Variants in ARMH3 observed in about 807,000 individuals in gnomAD.
ARMH3 encodes the protein armadillo-like helical domain-containing protein 3.
In ARMH3, 60 loss-of-function variants were observed where a neutral mutation model predicts 99.1. That is an observed-to-expected ratio of 0.61 (90% confidence interval 0.49 to 0.75). The LOEUF (loss-of-function observed/expected upper bound fraction) is 0.75, where lower values mean the gene tolerates loss of function less well. Ranked by LOEUF, ARMH3 falls within the 30% of genes least tolerant of loss-of-function variation. The probability of loss-of-function intolerance (pLI) is 0.00; values close to 1 mark genes in which losing one functional copy is unlikely to be tolerated. For missense variants in ARMH3, 679 were observed against 843.1 expected (o/e 0.81, Z 2.41); for synonymous variants, 285 against 292.8 (o/e 0.97, Z 0.27).
chr10:101,982,556 C>A (rs1227300898), intron 19 of ARMH3, among the ~76,000 whole-genome samples: 1 of 152,098 alleles, frequency 6.6e-6, no homozygotes, highest in Non-Finnish European at 1.5e-5. Context: ...GGTTAGAAAC[C>A]AGGCTGCACA....
intron 19 of ARMH3, 133 bp downstream of exon 19, chr10:101,990,418 G>A (rs950907892): frequency 3.2e-5 from 19 of 590,364 alleles, no homozygotes; most frequent in South Asian, 1.2e-4. Context: ...TGATCCGCCC[G>A]CCTCGGCCTC....
At chr10:102,051,248 G>A (rs549540618) in intron 1 of ARMH3, among the ~76,000 whole-genome samples, 162 of 151,754 alleles carry the variant, frequency 1.1e-3, no homozygotes, top group African/African-American at 3.3e-3. Flanking sequence ...CAAGGCCGGC[G>A]GATCATCTGA....
At chr10:101,944,328 A>AGAGAGAGAGG (rs1554871575) in intron 22 of ARMH3, among the ~76,000 whole-genome samples, 1 of 108,002 alleles carries the variant, frequency 9.3e-6, no homozygotes, top group Non-Finnish European at 1.9e-5. Context: ...AGAGAGAGAG[A>AGAGAGAGAGG]GTCCAAACTG....
chr10:101,972,918 T>A (rs1845833246), intron 20 of ARMH3, among the ~76,000 whole-genome samples: 1 of 152,100 alleles, frequency 6.6e-6, no homozygotes, highest in South Asian at 2.1e-4. Flanking sequence ...AGGACATAAT[T>A]ATAAATAGAG....
chr10:101,957,856 G>T, intron 20 of ARMH3, 124 bp from the exon 21 acceptor site: 1 of 1,338,976 alleles, frequency 7.5e-7, no homozygotes, highest in Non-Finnish European at 9.9e-7. Context: ...AGCCACCAAG[G>T]TCTTTTAAAA....
chr10:101,858,869 A>T (rs1376789073), intron 24 of ARMH3, among the ~76,000 whole-genome samples: 1 of 152,224 alleles, frequency 6.6e-6, no homozygotes, highest in Non-Finnish European at 1.5e-5. Flanking sequence ...CAGAGTCCTA[A>T]GAAACAACAA....
chr10:101,964,845 C>CA lies in ARMH3; in HGVS notation c.1496-7114dup, dbSNP rs545171779. Among the ~76,000 whole-genome samples the CA allele has an allele frequency of 3.2e-3, 309 of 97,600 alleles. 2 individuals are homozygous for CA. The highest frequency in any genetic ancestry group is 9.3e-3 in the East Asian group (34 of 3,650). The allele number at this position is 97,600 out of a possible 152,430, so 64.0% of individuals were successfully genotyped here. The stretch of plus-strand genomic sequence containing the variant: ...TAACATGGTGAAACCCCGTCTTTAC[C>CA]AAAAAAAAAAAAAAAAAATTAGCCT... On this transcript the variant is annotated intron_variant, in intron 20 of 25. Transcript: ENST00000370033.
At chr10:101,976,254 C>A (rs1445752323) in intron 19 of ARMH3, among the ~76,000 whole-genome samples, 3 of 149,010 alleles carry the variant, frequency 2.0e-5, no homozygotes, top group Non-Finnish European at 4.4e-5. Context: ...GCAGGAGAAT[C>A]GCTTGAACCT....
At chr10:102,038,089 CTTTTTT>C (rs949920845) in intron 2 of ARMH3, among the ~76,000 whole-genome samples, 1 of 113,316 alleles carries the variant, frequency 8.8e-6, no homozygotes, top group Non-Finnish European at 1.8e-5. Context: ...AGAAAGAATC[CTTTTTT>C]TTTTTTTTTT....
At chr10:102,012,618 G>C (rs1468690512) in intron 10 of ARMH3, among the ~76,000 whole-genome samples, 1 of 152,172 alleles carries the variant, frequency 6.6e-6, no homozygotes, top group East Asian at 1.9e-4. Flanking sequence ...ACTGCCTAAA[G>C]AGACACTAAT....
chr10:101,948,407 AAAGTT>A (rs1485329720), intron 22 of ARMH3, among the ~76,000 whole-genome samples: 1 of 152,222 alleles, frequency 6.6e-6, no homozygotes, highest in Non-Finnish European at 1.5e-5. Flanking sequence ...AAAAAGAAAA[AAAGTT>A]AAGGTATGCA....
At chr10:101,946,448 G>C (rs1343690112) in intron 22 of ARMH3, among the ~76,000 whole-genome samples, 2 of 151,850 alleles carry the variant, frequency 1.3e-5, no homozygotes, top group Admixed American at 1.3e-4. Context: ...GGAGTTTGAG[G>C]CTACAGTGAG....
chr10:102,011,854 T>C, intron 10 of ARMH3, 71 bp from the exon 11 acceptor site: 1 of 1,295,660 alleles, frequency 7.7e-7, no homozygotes, highest in Non-Finnish European at 1.1e-6. Context: ...ACATTTGGGG[T>C]AATCAGGGCA....
intron 2 of ARMH3, among the ~76,000 whole-genome samples, chr10:102,034,439 AT>A (rs1183676332): frequency 2.6e-5 from 4 of 151,632 alleles, no homozygotes; most frequent in Non-Finnish European, 4.4e-5. Flanking sequence ...GATCGAGACC[AT>A]CCTGGCTAAC....
At chr10:101,898,364 TA>T (rs1176720659) in intron 23 of ARMH3, among the ~76,000 whole-genome samples, 11 of 134,870 alleles carry the variant, frequency 8.2e-5, no homozygotes, top group African/African-American at 1.1e-4. Flanking sequence ...TCTTAAGAAA[TA>T]AAAAAAAAAG....
Position 102,011,706 on chromosome 10 carries a change from A to G in ARMH3, c.831+17T>C. 6.3e-7 allele frequency: 1 copy of G among 1,589,920 alleles called. No individual in the cohort carries two copies. The highest frequency in any genetic ancestry group is 1.2e-5 in the South Asian group (1 of 85,792). On this transcript the variant is annotated intron_variant, in intron 11 of 25. Coordinates refer to ENST00000370033, the MANE Select transcript of ARMH3 (RefSeq NM_024541.3). ...GTTTCTGTTTTTTTCAGGAGAAAAA[A>G]AAAAAGCAGGACTTACCATATTTGT...
Position 101,992,553 on chromosome 10 carries a change from T to C in ARMH3, c.1276-515A>G, listed in dbSNP as rs1324765917. ...CTCTGTTGCCCAGGCTGGAGTGAAG[T>C]GGCACGATCTCGGCTCACTGCAAGC... is the stretch of plus-strand genomic sequence containing the variant. On this transcript the variant is annotated intron_variant, in intron 17 of 25. Transcript: ENST00000370033. 6.6e-5 allele frequency among the ~76,000 whole-genome samples: 10 copies of C among 151,458 alleles called. No individual in the cohort carries two copies. The East Asian group carries it at 1.2e-3, about 18-fold the overall frequency.
At chr10:101,981,566 T>C (rs1229147197) in intron 19 of ARMH3, among the ~76,000 whole-genome samples, 1 of 152,252 alleles carries the variant, frequency 6.6e-6, no homozygotes, top group Non-Finnish European at 1.5e-5. Context: ...GATATTTTCA[T>C]AGCACTCCGA....
Position 102,022,771 on chromosome 10 carries a change from G to A in ARMH3, c.669+706C>T, listed in dbSNP as rs368385891. On this transcript the variant is annotated intron_variant, in intron 8 of 25. Coordinates refer to ENST00000370033, the MANE Select transcript of ARMH3 (RefSeq NM_024541.3). ...AATTTTTTGTATTTTTAGTAGAGAC[G>A]GGGTTTCACCGTGTTAGCCAGGATG... 7.0e-4 allele frequency among the ~76,000 whole-genome samples: 106 copies of A among 150,568 alleles called. No individual in the cohort carries two copies. The East Asian group carries it at 0.019, about 27-fold the overall frequency.
Sources: allele counts gnomAD v4.1 joint callset (sites outside exome capture counted in the v4.1 genomes callset), GRCh38; gene constraint gnomAD v4.1.1; transcripts MANE v1.5; gene names NCBI Gene and HGNC (gene_info 2026-07-23, HGNC 2026-07-21).